Variants in CNOT10 observed in about 807,000 individuals in gnomAD.
CNOT10 encodes the protein CCR4-NOT transcription complex, subunit 10.
A neutral mutation model predicts 94.6 loss-of-function variants in CNOT10; 30 were observed. That is an observed-to-expected ratio of 0.32 (90% confidence interval 0.24 to 0.43). CNOT10 has a LOEUF of 0.43. Ranked by LOEUF, CNOT10 falls within the 20% of genes least tolerant of loss-of-function variation. The pLI is 1.00. For synonymous variants in CNOT10, 289 were observed against 301.6 expected, an observed-to-expected ratio of 0.96 and a Z score of 0.43; for missense variants, 759 against 877.2, an observed-to-expected ratio of 0.87 and a Z score of 1.70.
chr3:32,769,471 C>T (rs571640229), intron 17 of CNOT10: 5 of 179,150 alleles, frequency 2.8e-5, no homozygotes, highest in South Asian at 2.6e-4. Context: ...AAACATGCTA[C>T]GTGGTACGTT....
intron 10 of CNOT10, 57 bp downstream of exon 10, chr3:32,727,927 A>G (rs1348997694): frequency 4.1e-5 from 47 of 1,148,938 alleles, no homozygotes; most frequent in Non-Finnish European, 5.3e-5. Context: ...TACTACATGG[A>G]ATGGTTAAAA....
At chr3:32,770,763 G>A (rs1700869332) in intron 18 of CNOT10, among the ~76,000 whole-genome samples, 1 of 151,148 alleles carries the variant, frequency 6.6e-6, no homozygotes, top group Non-Finnish European at 1.5e-5. Context: ...CTGGAGTGCA[G>A]TGGCACTATC....
intron 10 of CNOT10, among the ~76,000 whole-genome samples, chr3:32,732,282 C>T (rs562729881): frequency 1.3e-5 from 2 of 151,452 alleles, no homozygotes; most frequent in South Asian, 2.1e-4. Context: ...CCTAGCTACT[C>T]GGGAGGCTGA....
intron 5 of CNOT10, among the ~76,000 whole-genome samples, chr3:32,714,044 C>T (rs74997840): frequency 6.6e-6 from 1 of 152,044 alleles, no homozygotes; most frequent in South Asian, 2.1e-4. Flanking sequence ...GGAATAGAAT[C>T]ACTGGGTTAT....
At chr3:32,754,489 A>AAAATATATATATATATATAT (rs77878221) in intron 13 of CNOT10, among the ~76,000 whole-genome samples, 5 of 70,214 alleles carry the variant, frequency 7.1e-5, no homozygotes, top group Non-Finnish European at 8.9e-5. Context: ...AAAAAAAAAA[A>AAAATATATATATATATATAT]ATACATATAT....
intron 14 of CNOT10, among the ~76,000 whole-genome samples, chr3:32,761,743 C>CT (rs1236020556): frequency 2.9e-5 from 3 of 101,924 alleles, no homozygotes; most frequent in African/African-American, 1.0e-4. Context: ...TTTTTTTTTT[C>CT]TTTTTTTGAA....
At chr3:32,712,034 C>T (rs1387951477) in intron 4 of CNOT10, among the ~76,000 whole-genome samples, 1 of 127,262 alleles carries the variant, frequency 7.9e-6, no homozygotes, top group Non-Finnish European at 1.9e-5. Context: ...TTATGTCACA[C>T]CAGGTTAACT....
intron 1 of CNOT10, among the ~76,000 whole-genome samples, chr3:32,688,755 CTAAAAAA>C (rs1164905708): frequency 6.6e-6 from 1 of 151,380 alleles, no homozygotes; most frequent in African/African-American, 2.4e-5. Context: ...AACCCTGACT[CTAAAAAA>C]TAAAAAGCCA....
intron 15 of CNOT10, among the ~76,000 whole-genome samples, chr3:32,763,707 A>G (rs1384497494): frequency 6.6e-6 from 1 of 152,196 alleles, no homozygotes; most frequent in Non-Finnish European, 1.5e-5. Context: ...ACTCAAGACT[A>G]GTGCTCAGGT....
Position 32,716,622 on chromosome 3 carries a change from T to G in CNOT10, c.660+311T>G, listed in dbSNP as rs138984124. On this transcript the variant is annotated intron_variant, in intron 6 of 18. Coordinates refer to ENST00000328834, the MANE Select transcript of CNOT10 (RefSeq NM_015442.3). The stretch of plus-strand genomic sequence containing the variant: ...CATGTGCAGAAGAGGATTGATAGGA[T>G]TTTTGCCCGGAACTTGAGTATTTAA... Among the ~76,000 whole-genome samples the G allele has an allele frequency of 8.0e-4, 121 of 152,148 alleles. No homozygotes were observed. In the East Asian group the frequency reaches 0.013, roughly 16 times the overall value.
intron 3 of CNOT10, 44 bp downstream of exon 3, chr3:32,705,016 C>A: frequency 7.8e-7 from 1 of 1,285,864 alleles, no homozygotes; most frequent in South Asian, 1.7e-5. Flanking sequence ...TTGTTCTGTT[C>A]TTTAATTTAT....
At chr3:32,750,108 G>A (rs577379716) in intron 13 of CNOT10, among the ~76,000 whole-genome samples, 1 of 152,176 alleles carries the variant, frequency 6.6e-6, no homozygotes, top group African/African-American at 2.4e-5. Context: ...CTACTTGGGA[G>A]ACTGAGGTGG....
chr3:32,716,045 G>A lies in CNOT10; in HGVS notation c.574-180G>A, dbSNP rs990737477. On this transcript the variant is annotated intron_variant, in intron 5 of 18. Transcript: ENST00000328834. ...TGGTCTCGAACTCCTGGGCTCAAGC[G>A]ATCCGCCCGCCTCTGCCTTCCAAAG... The A allele has an allele frequency of 1.2e-5, 5 of 433,854 alleles. No individual in the cohort carries two copies. The Admixed American group carries it at 1.3e-4, about 11-fold the overall frequency. 26.9% of individuals were successfully genotyped at this position (433,854 alleles called of 1,614,324 possible).
chr3:32,718,538 C>T (rs1417657054), intron 7 of CNOT10, among the ~76,000 whole-genome samples: 55 of 138,838 alleles, frequency 4.0e-4, no homozygotes, highest in Non-Finnish European at 5.2e-4. Context: ...GAGCCGAGAC[C>T]GCGCCACTGC....
At chr3:32,771,937 C>A (rs1700925547) in intron 18 of CNOT10, among the ~76,000 whole-genome samples, 1 of 152,164 alleles carries the variant, frequency 6.6e-6, no homozygotes, top group African/African-American at 2.4e-5. Context: ...AACATAAATT[C>A]AGGTCATGCC....
chr3:32,713,585 TTAC>T (rs1697983010), intron 5 of CNOT10, among the ~76,000 whole-genome samples: 1 of 152,332 alleles, frequency 6.6e-6, no homozygotes, highest in East Asian at 1.9e-4. Context: ...TGTACAACCA[TTAC>T]TACTATCTAA....
chr3:32,769,524 G>A (rs1381918953), intron 17 of CNOT10: 1 of 192,980 alleles, frequency 5.2e-6, no homozygotes, highest in Non-Finnish European at 1.1e-5. Context: ...TCCTGACATT[G>A]ACAACTTACA....
intron 11 of CNOT10, 89 bp downstream of exon 11, chr3:32,733,633 C>A: frequency 1.1e-6 from 1 of 907,916 alleles, no homozygotes. Context: ...TAGGATTTAT[C>A]ATTGCATAGG....
intron 12 of CNOT10, among the ~76,000 whole-genome samples, chr3:32,736,481 A>G (rs1207243473): frequency 1.3e-5 from 2 of 152,124 alleles, no homozygotes; most frequent in African/African-American, 2.4e-5. Flanking sequence ...CATATTTACT[A>G]TAGAAAATTT....
Sources: gnomAD v4.1 joint callset for allele counts (sites outside exome capture counted in the v4.1 genomes callset) on GRCh38, gnomAD v4.1.1 for gene constraint, MANE v1.5 for transcripts, NCBI Gene and HGNC (gene_info 2026-07-23, HGNC 2026-07-21) for gene names.